The following DENND1A variants were observed in gnomAD, a reference collection of about 807,000 sequenced individuals.
DENND1A encodes the protein DENN domain-containing protein 1A.
In DENND1A, 51 loss-of-function variants were observed where a neutral mutation model predicts 113.7. The observed-to-expected ratio is 0.45, with a 90% CI of 0.36 to 0.57. The LOEUF is 0.57. Ranked by LOEUF, DENND1A falls within the 20% of genes least tolerant of loss-of-function variation. DENND1A has a pLI of 0.00. For synonymous variants in DENND1A, 565 were observed against 570.8 expected, an observed-to-expected ratio of 0.99 and a Z score of 0.14; for missense variants, 1,258 against 1,395.9, an observed-to-expected ratio of 0.90 and a Z score of 1.57.
intron 21 of DENND1A, among the ~76,000 whole-genome samples, chr9:123,399,335 A>G (rs1232127755): frequency 6.6e-6 from 1 of 152,082 alleles, no homozygotes; most frequent in African/African-American, 2.4e-5. Context: ...TGTCTGTTCA[A>G]TGGGAAAGCT....
At chr9:123,750,759 C>G (rs967212477) in intron 5 of DENND1A, among the ~76,000 whole-genome samples, 3 of 152,226 alleles carry the variant, frequency 2.0e-5, no homozygotes, top group African/African-American at 7.2e-5. Flanking sequence ...GCATTTAAGG[C>G]ACTGGGAAGA....
At chr9:123,469,361 T>C (rs1456398060) in intron 13 of DENND1A, among the ~76,000 whole-genome samples, 3 of 152,248 alleles carry the variant, frequency 2.0e-5, no homozygotes, top group African/African-American at 4.8e-5. Flanking sequence ...GGGGCAGGCA[T>C]GGCCGGGCTG....
intron 2 of DENND1A, among the ~76,000 whole-genome samples, chr9:123,823,378 C>T (rs1467184731): frequency 1.3e-5 from 2 of 152,048 alleles, no homozygotes; most frequent in Non-Finnish European, 2.9e-5. Flanking sequence ...TATAGGCAGA[C>T]TTGAGGCAGG....
At chr9:123,848,243 A>AC (rs1485953111) in intron 2 of DENND1A, among the ~76,000 whole-genome samples, 1 of 150,850 alleles carries the variant, frequency 6.6e-6, no homozygotes, top group Non-Finnish European at 1.5e-5. Context: ...AAAAAAAAAA[A>AC]AAAAAAAAAA....
At chr9:123,609,563 G>A (rs2060319307) in intron 10 of DENND1A, 82 bp from the exon 11 acceptor site, 1 of 1,498,510 alleles carries the variant, frequency 6.7e-7, no homozygotes, top group Non-Finnish European at 9.1e-7. Flanking sequence ...ACTATTTGGA[G>A]AAAAACTGTT....
chr9:123,838,893 T>C (rs2132920369), intron 2 of DENND1A, among the ~76,000 whole-genome samples: 1 of 152,328 alleles, frequency 6.6e-6, no homozygotes, highest in African/African-American at 2.4e-5. Context: ...ATTTTATTTA[T>C]AGGGAAGTCC....
chr9:123,398,730 C>G (rs2043269155), intron 21 of DENND1A, among the ~76,000 whole-genome samples: 1 of 150,886 alleles, frequency 6.6e-6, no homozygotes, highest in Non-Finnish European at 1.5e-5. Flanking sequence ...CTATACCTGG[C>G]AGACCAAAAG....
rs925416441 is a variant in DENND1A at position 123,795,924 on chromosome 9, C to T, written c.89-3294G>A. ...TAATCAGCGTATGTCAAGCTTTTAC[C>T]CAAGAATTGTCCTGCTGACAGAAAA... On this transcript the variant is annotated intron_variant, in intron 2 of 23. Coordinates refer to ENST00000394215, the MANE Select transcript of DENND1A (RefSeq NM_001352964.2). Among the ~76,000 whole-genome samples the T allele has an allele frequency of 3.4e-4, 52 of 152,042 alleles. 1 individual carries two copies. Among genetic ancestry groups the T allele is most frequent in the Non-Finnish European group, 5.7e-4 (39 of 68,016 alleles).
intron 13 of DENND1A, among the ~76,000 whole-genome samples, chr9:123,538,225 G>A (rs2055940547): frequency 6.6e-6 from 1 of 152,188 alleles, no homozygotes. Context: ...TCATATGGGA[G>A]AGAGGAAATA....
At chr9:123,538,864 T>C (rs1589042973) in intron 13 of DENND1A, among the ~76,000 whole-genome samples, 1 of 80,038 alleles carries the variant, frequency 1.2e-5, no homozygotes, top group African/African-American at 4.6e-5. Flanking sequence ...ATATATGAAT[T>C]CATACATATT....
At chr9:123,568,774 C>T (rs1405135780) in intron 12 of DENND1A, among the ~76,000 whole-genome samples, 2 of 151,936 alleles carry the variant, frequency 1.3e-5, no homozygotes, top group South Asian at 2.1e-4. Context: ...CAAGGGGATC[C>T]GGGCATCTCC....
intron 11 of DENND1A, among the ~76,000 whole-genome samples, chr9:123,606,836 A>G (rs1304853340): frequency 3.3e-5 from 5 of 152,266 alleles, no homozygotes; most frequent in African/African-American, 1.2e-4. Context: ...GATGGAGAGG[A>G]ACAAGGAAGC....
chr9:123,698,976 C>T (rs1032013503), intron 5 of DENND1A, among the ~76,000 whole-genome samples: 1 of 152,080 alleles, frequency 6.6e-6, no homozygotes, highest in South Asian at 2.1e-4. Context: ...TAAAGAATGG[C>T]AGTATATTTT....
chr9:123,441,924 A>G (rs1408698234), intron 18 of DENND1A, among the ~76,000 whole-genome samples: 2 of 152,232 alleles, frequency 1.3e-5, no homozygotes, highest in Non-Finnish European at 2.9e-5. Flanking sequence ...ATGGTGGGAC[A>G]TGGAGGAAAG....
Position 123,493,321 on chromosome 9 carries a change from G to A in DENND1A, c.994-35424C>T, listed in dbSNP as rs147158015. Among the ~76,000 whole-genome samples the A allele has an allele frequency of 6.2e-3, 938 of 152,302 alleles. 5 individuals are homozygous for A. The highest frequency in any genetic ancestry group is 0.011 in the Admixed American group (171 of 15,298). ...TGGGCAACCAGGGAGGTTGGGGGGA[G>A]ACTTGGTTTCTTTGTGAATCGATTC... On this transcript the variant is annotated intron_variant, in intron 13 of 23. Transcript: ENST00000394215.
At chr9:123,399,331 T>G (rs997080588) in intron 21 of DENND1A, among the ~76,000 whole-genome samples, 6 of 152,194 alleles carry the variant, frequency 3.9e-5, no homozygotes, top group African/African-American at 1.4e-4. Flanking sequence ...TTTCTGTCTG[T>G]TCAATGGGAA....
At chr9:123,440,648 C>T (rs1354013978) in intron 18 of DENND1A, among the ~76,000 whole-genome samples, 157 bp from the exon 19 acceptor site, 1 of 152,232 alleles carries the variant, frequency 6.6e-6, no homozygotes, top group Admixed American at 6.5e-5. Flanking sequence ...TAACTTGGCT[C>T]TTTGACTTTT....
intron 11 of DENND1A, among the ~76,000 whole-genome samples, chr9:123,603,471 T>C (rs549223930): frequency 6.6e-6 from 1 of 152,300 alleles, no homozygotes; most frequent in East Asian, 1.9e-4. Flanking sequence ...CAGTGCTGTT[T>C]TAAGCACTTG....
chr9:123,416,122 G>T (rs1472034500), intron 19 of DENND1A, among the ~76,000 whole-genome samples: 1 of 152,172 alleles, frequency 6.6e-6, no homozygotes, highest in Non-Finnish European at 1.5e-5. Context: ...CCGAGAGGAC[G>T]GCAGAGCTGG....
Sources: allele counts gnomAD v4.1 joint callset (sites outside exome capture counted in the v4.1 genomes callset), GRCh38; gene constraint gnomAD v4.1.1; transcripts MANE v1.5; gene names NCBI Gene and HGNC (gene_info 2026-07-23, HGNC 2026-07-21).